SMIM22: variants seen among roughly 807,000 people sequenced by gnomAD.
The protein encoded by SMIM22 is small integral membrane protein 22, also known as cancer associated small integral membrane open reading frame 1.
Under a neutral mutation model 8.4 loss-of-function variants are expected in SMIM22, and 16 were observed. The ratio of observed to expected loss-of-function variants is 1.90; its 90% confidence interval spans 1.29 to 2.89. The LOEUF is 2.89. SMIM22 is among the 30% of genes most tolerant of loss of function. The probability of loss-of-function intolerance (pLI) is 0.00; values close to 1 mark genes in which losing one functional copy is unlikely to be tolerated. For synonymous variants in SMIM22, 67 were observed against 47.6 expected (o/e 1.41, Z -1.68); for missense variants, 159 against 107.5 (o/e 1.48, Z -2.12).
chr16:4,789,243 C>G (rs755843645), intron 2 of SMIM22, among the ~76,000 whole-genome samples: 2 of 152,160 alleles, frequency 1.3e-5, no homozygotes, highest in Non-Finnish European at 2.9e-5. Flanking sequence ...AGCTTCTGAC[C>G]TCAAGTGATC....
chr16:4,795,931 G>T lies in SMIM22; in HGVS notation c.125-17G>T, dbSNP rs369949149. The stretch of plus-strand genomic sequence containing the variant: ...CTCCAGGTTGGGGCCACACCTGGAC[G>T]CCTGTCCTGTCCCCAGGCACCGTGC... On this transcript the variant is annotated splice_polypyrimidine_tract_variant and intron_variant, in intron 2 of 3. Coordinates refer to ENST00000586005, the MANE Select transcript of SMIM22 (RefSeq NM_001253794.2). 3.3e-6 allele frequency: 5 copies of T among 1,520,030 alleles called. No homozygotes were observed. The highest frequency in any genetic ancestry group is 4.4e-6 in the Non-Finnish European group (5 of 1,138,782). The allele number at this position is 1,520,030 out of a possible 1,614,324, so 94.2% of individuals were successfully genotyped here.
chr16:4,793,103 C>CT (rs1035738482), upstream of SMIM22, among the ~76,000 whole-genome samples: 9 of 116,506 alleles, frequency 7.7e-5, no homozygotes, highest in East Asian at 2.0e-3. Context: ...GAGCGAAACT[C>CT]TGTCTCAAAA....
chr16:4,793,109 CAAAA>C (rs3085033), upstream of SMIM22, among the ~76,000 whole-genome samples: 1 of 67,518 alleles, frequency 1.5e-5, no homozygotes, highest in Admixed American at 1.9e-4. Context: ...AACTCTGTCT[CAAAA>C]AAAAAAAAAA....
chr16:4,791,749 G>A (rs1189506799), upstream of SMIM22, among the ~76,000 whole-genome samples: 1 of 152,072 alleles, frequency 6.6e-6, no homozygotes, highest in Non-Finnish European at 1.5e-5. Flanking sequence ...GTGCAGTGGC[G>A]AGATCTTGGC....
intron 1 of SMIM22, 49 bp from the exon 2 acceptor site, chr16:4,795,666 G>A (rs1276091476): frequency 1.1e-5 from 16 of 1,517,994 alleles, no homozygotes; most frequent in South Asian, 1.2e-5. Context: ...TGTGGTCCCC[G>A]CTGAGCTGAG....
chr16:4,792,142 C>T (rs1260397175), upstream of SMIM22, among the ~76,000 whole-genome samples: 1 of 152,126 alleles, frequency 6.6e-6, no homozygotes. Flanking sequence ...GGGCCTCCTG[C>T]CCACCCAGCC....
chr16:4,793,408 T>C (rs1476056693), upstream of SMIM22, among the ~76,000 whole-genome samples: 1 of 152,216 alleles, frequency 6.6e-6, no homozygotes, highest in Admixed American at 6.5e-5. Context: ...ATTAGGTGTG[T>C]GACGGGCTAA....
upstream of SMIM22, among the ~76,000 whole-genome samples, chr16:4,792,527 C>T (rs1218820755): frequency 6.9e-6 from 1 of 145,450 alleles, no homozygotes; most frequent in African/African-American, 2.5e-5. Context: ...GTCTGCTGGG[C>T]GCGGTGGATC....
At chr16:4,791,199 G>A (rs150395754), upstream of SMIM22, among the ~76,000 whole-genome samples, 1 of 152,242 alleles carries the variant, frequency 6.6e-6, no homozygotes, top group Non-Finnish European at 1.5e-5. Context: ...CTGGGTGCCA[G>A]TAGGGACTGC....
chr16:4,789,157 A>T (rs1057321000), intron 2 of SMIM22, among the ~76,000 whole-genome samples: 9 of 151,198 alleles, frequency 6.0e-5, no homozygotes, highest in African/African-American at 1.9e-4. Context: ...TAGCTGGATT[A>T]CCGGTGTGCA....
At position 4,796,417 on chromosome 16, in the gene SMIM22, G is replaced by A. The variant is rs1413086539; in HGVS notation, c.*186G>A. On this transcript the variant is annotated 3_prime_UTR_variant, in exon 4 of 4. Transcript: ENST00000586005. ...CCAGGTCATCCTCAGTCACCTAGCTGGGAGGGGAGCTGGTCTCAGGCCGGG... is the reference window on the plus strand; with the variant it reads ...CCAGGTCATCCTCAGTCACCTAGCTAGGAGGGGAGCTGGTCTCAGGCCGGG... 26 of 693,118 alleles carry A rather than the reference G, an allele frequency of 3.8e-5. No homozygotes were observed. The highest frequency in any genetic ancestry group is 9.5e-5 in the South Asian group (5 of 52,872). The allele number at this position is 693,118 out of a possible 1,614,324, so 42.9% of individuals were successfully genotyped here. A position where few individuals can be genotyped will look rare whatever the true frequency, so the allele number is the denominator to read the frequency against.
upstream of SMIM22, among the ~76,000 whole-genome samples, chr16:4,792,205 T>C (rs573553276): frequency 4.1e-4 from 62 of 151,632 alleles, 2 homozygotes; most frequent in South Asian, 0.012. Context: ...TTTTCTTTTT[T>C]TTTGAGACAG....
At chr16:4,792,619 T>C (rs184172586), upstream of SMIM22, among the ~76,000 whole-genome samples, 418 of 150,780 alleles carry the variant, frequency 2.8e-3, 1 homozygote, top group African/African-American at 9.6e-3. Context: ...CTGACCAACA[T>C]GGTGAAACCC....
intron 2 of SMIM22, chr16:4,789,897 CTCCTT>C (rs1228566750): frequency 6.7e-6 from 1 of 149,274 alleles, no homozygotes; most frequent in African/African-American, 2.6e-5. Flanking sequence ...TCTTTCTTTT[CTCCTT>C]TCTTTTCTTT....
Position 4,796,001 on chromosome 16 carries a change from T to G in SMIM22, c.178T>G (p.Ser60Ala), listed in dbSNP as rs1304644133. 15 of 1,508,118 alleles carry G rather than the reference T, an allele frequency of 9.9e-6. No individual in the cohort carries two copies. The highest frequency in any genetic ancestry group is 1.4e-5 in the African/African-American group (1 of 72,186). 93.4% of individuals were successfully genotyped at this position (1,508,118 alleles called of 1,614,324 possible). A position where few individuals can be genotyped will look rare whatever the true frequency, so the allele number is the denominator to read the frequency against. Residue 60 changes from serine to alanine, a missense_variant, in exon 3 of 4, where the codon TCC becomes GCC. Physicochemically the swap from Ser to Ala is moderately conservative, Grantham distance 99 (BLOSUM62 1). Transcript: ENST00000586005. ...LVVAHCCCCS[S>A]PGPRRESPRK... ...CGTCGCCCACTGCTGCTGCTGCAGC[T>G]CCCCCGGGCCCCGCAGGGAAAGCCC...
chr16:4,795,766 C>T lies in SMIM22; in HGVS notation c.32C>T (p.Thr11Met), dbSNP rs907115580. The change falls in exon 2 of 4, where the codon ACG becomes ATG. Residue 11 changes from threonine to methionine, a missense_variant. By Grantham distance (81) the Thr-to-Met change is moderately conservative. Coordinates refer to ENST00000586005, the MANE Select transcript of SMIM22 (RefSeq NM_001253794.2). MAVSTEELEA[T>M]VQEVLGRLKS... is the part of the protein sequence containing the mutation. ...GTGTCCACAGAGGAGCTGGAGGCCA[C>T]GGTTCAGGAAGTCCTGGGGAGACTG... 1.8e-5 allele frequency: 28 copies of T among 1,535,796 alleles called. No homozygotes were observed. Among genetic ancestry groups the T allele is most frequent in the Admixed American group, 7.8e-5 (4 of 50,962 alleles).
chr16:4,791,511 G>A (rs991215900), upstream of SMIM22, among the ~76,000 whole-genome samples: 2 of 152,136 alleles, frequency 1.3e-5, no homozygotes, highest in African/African-American at 4.8e-5. Flanking sequence ...CCATTTTACA[G>A]ATGAGTATAC....
upstream of SMIM22, among the ~76,000 whole-genome samples, chr16:4,793,697 A>G (rs528456275): frequency 7.2e-5 from 11 of 152,334 alleles, no homozygotes; most frequent in African/African-American, 2.6e-4. Context: ...TCTATTGGAC[A>G]TGTACAGACT....
intron 2 of SMIM22, among the ~76,000 whole-genome samples, chr16:4,789,617 C>A (rs1567579815): frequency 6.6e-6 from 1 of 152,106 alleles, no homozygotes; most frequent in African/African-American, 2.4e-5. Flanking sequence ...TTAGCCCCTG[C>A]GCCCAGCCCT....
Sources: allele counts gnomAD v4.1 joint callset (sites outside exome capture counted in the v4.1 genomes callset), GRCh38; gene constraint gnomAD v4.1.1; transcripts MANE v1.5; gene names NCBI Gene and HGNC (gene_info 2026-07-23, HGNC 2026-07-21).